UPP2: variants seen among roughly 807,000 people sequenced by gnomAD.
UPP2 encodes the protein uridine phosphorylase 2, also known as UPase 2.
In UPP2, 23 loss-of-function variants were observed where a neutral mutation model predicts 26.7. That is an observed-to-expected ratio of 0.86 (90% CI 0.62 to 1.22). The LOEUF is 1.22. Ranked by LOEUF, UPP2 falls within the 50% of genes most tolerant of loss-of-function variation. UPP2 has a pLI of 0.00. For missense variants in UPP2, 387 were observed against 396.7 expected (o/e 0.98, Z 0.21); for synonymous variants, 127 against 141.3 (o/e 0.90, Z 0.72).
chr2:158,076,407 A>G (rs2105191178), intron 3 of UPP2, among the ~76,000 whole-genome samples: 1 of 152,076 alleles, frequency 6.6e-6, no homozygotes, highest in South Asian at 2.1e-4. Flanking sequence ...ATGACTATTG[A>G]TCAAAAATCT....
intron 6 of UPP2, among the ~76,000 whole-genome samples, chr2:158,129,318 G>T (rs1683760883): frequency 6.6e-6 from 1 of 152,032 alleles, no homozygotes; most frequent in African/African-American, 2.4e-5. Context: ...TCTGGTTAAC[G>T]GTCCCACATC....
At chr2:158,010,086 G>A (rs73968532) in intron 2 of UPP2, among the ~76,000 whole-genome samples, 16,082 of 152,134 alleles carry the variant, frequency 0.11, 1,091 homozygotes, top group East Asian at 0.2. Flanking sequence ...GAATACAGAG[G>A]ACATAGAAGT....
chr2:158,058,151 G>GGC, intron 3 of UPP2, among the ~76,000 whole-genome samples: 1 of 151,980 alleles, frequency 6.6e-6, no homozygotes, highest in Non-Finnish European at 1.5e-5. Context: ...AAATTAGCTG[G>GGC]GTATTGTGGC....
chr2:158,091,561 A>C (rs866778473), intron 3 of UPP2, among the ~76,000 whole-genome samples: 1 of 152,234 alleles, frequency 6.6e-6, no homozygotes, highest in African/African-American at 2.4e-5. Flanking sequence ...CTGTTGCCAC[A>C]ATAATGCTAT....
intron 2 of UPP2, among the ~76,000 whole-genome samples, chr2:158,005,816 GC>G (rs1256303193): frequency 6.6e-6 from 1 of 152,130 alleles, no homozygotes; most frequent in African/African-American, 2.4e-5. Flanking sequence ...TCCTGGCCCA[GC>G]CCCCGAAGGC....
At chr2:158,053,184 C>G (rs1490179196) in intron 3 of UPP2, among the ~76,000 whole-genome samples, 1 of 152,060 alleles carries the variant, frequency 6.6e-6, no homozygotes, top group African/African-American at 2.4e-5. Context: ...ATAACAATAG[C>G]CTTTTGGGAA....
intron 3 of UPP2, among the ~76,000 whole-genome samples, chr2:158,093,914 T>C (rs1682948873): frequency 1.3e-5 from 2 of 151,068 alleles, no homozygotes; most frequent in Admixed American, 6.6e-5. Context: ...CAGGAAAAAA[T>C]TGGAAGCAAC....
intron 4 of UPP2, among the ~76,000 whole-genome samples, 154 bp from the exon 5 acceptor site, chr2:158,121,255 T>C (rs561729430): frequency 2.0e-5 from 3 of 152,058 alleles, no homozygotes; most frequent in African/African-American, 7.2e-5. Context: ...TTCTGAATGT[T>C]ATTTAATTGC....
intron 3 of UPP2, among the ~76,000 whole-genome samples, chr2:158,086,429 T>C (rs1020187953): frequency 3.3e-5 from 5 of 152,074 alleles, no homozygotes; most frequent in African/African-American, 9.7e-5. Context: ...TTATTTATCT[T>C]TTCAAAGAAC....
At chr2:158,053,927 T>C (rs932685854) in intron 3 of UPP2, among the ~76,000 whole-genome samples, 1 of 152,194 alleles carries the variant, frequency 6.6e-6, no homozygotes, top group African/African-American at 2.4e-5. Context: ...GATGGGACAA[T>C]GTAACTATCT....
intron 6 of UPP2, among the ~76,000 whole-genome samples, chr2:158,129,776 T>TG (rs1053160767): frequency 3.4e-4 from 51 of 151,802 alleles, no homozygotes; most frequent in Admixed American, 9.2e-4. Flanking sequence ...TTTGTTTGTT[T>TG]TTTTTTTGAG....
chr2:158,115,359 C>A, intron 3 of UPP2, 100 bp downstream of exon 3: 1 of 1,392,814 alleles, frequency 7.2e-7, no homozygotes, highest in Non-Finnish European at 9.5e-7. Context: ...GCTTCGCATT[C>A]TTACACAATC....
At chr2:158,127,834 A>T (rs1683727101) in intron 6 of UPP2, 1 of 183,770 alleles carries the variant, frequency 5.4e-6, no homozygotes, top group Non-Finnish European at 1.0e-5. Flanking sequence ...AAATAGTGGA[A>T]TTCACCCAAT....
At chr2:158,072,973 C>G (rs1394686225) in intron 3 of UPP2, among the ~76,000 whole-genome samples, 2 of 151,968 alleles carry the variant, frequency 1.3e-5, no homozygotes, top group African/African-American at 4.8e-5. Context: ...CTTGACTTCA[C>G]CAAACTAAAT....
At chr2:158,117,000 A>G (rs970877639) in intron 3 of UPP2, among the ~76,000 whole-genome samples, 27 of 152,172 alleles carry the variant, frequency 1.8e-4, no homozygotes, top group African/African-American at 6.5e-4. Flanking sequence ...ATGGTTTTCC[A>G]AAGTCTTTGT....
intron 6 of UPP2, among the ~76,000 whole-genome samples, 159 bp from the exon 7 acceptor site, chr2:158,134,589 T>C (rs570561763): frequency 6.6e-6 from 1 of 152,320 alleles, no homozygotes; most frequent in South Asian, 2.1e-4. Flanking sequence ...CACAAAAATA[T>C]TGAAGACCAG....
chr2:158,003,714 TA>T (rs5835683), intron 2 of UPP2, among the ~76,000 whole-genome samples: 3,385 of 132,070 alleles, frequency 0.026, 121 homozygotes, highest in African/African-American at 0.086. Flanking sequence ...TCTCAAAAAA[TA>T]AAAAAAAAAA....
At chr2:158,105,283 T>C (rs1683167765) in intron 1 of UPP2, among the ~76,000 whole-genome samples, 1 of 152,298 alleles carries the variant, frequency 6.6e-6, no homozygotes, top group East Asian at 1.9e-4. Flanking sequence ...GTCTTGAATT[T>C]CGTGGTATTT....
At chr2:158,015,158 T>C (rs922188935) in intron 2 of UPP2, among the ~76,000 whole-genome samples, 4 of 152,218 alleles carry the variant, frequency 2.6e-5, no homozygotes, top group African/African-American at 9.7e-5. Flanking sequence ...TTAAGTATAT[T>C]CACATTCTTG....
Sources: gnomAD v4.1 joint callset for allele counts (sites outside exome capture counted in the v4.1 genomes callset) on GRCh38, gnomAD v4.1.1 for gene constraint, MANE v1.5 for transcripts, NCBI Gene and HGNC (gene_info 2026-07-23, HGNC 2026-07-21) for gene names.